The following SLC35F1 variants were observed in gnomAD, a reference collection of about 807,000 sequenced individuals.
The protein encoded by SLC35F1 is chromosome 6 open reading frame 169.
In SLC35F1, 14 loss-of-function variants were observed where a neutral mutation model predicts 48.7. That is an observed-to-expected ratio of 0.29 (90% confidence interval 0.19 to 0.45). The LOEUF is 0.45. SLC35F1 is among the 20% of genes least tolerant of loss of function. The probability of loss-of-function intolerance (pLI) is 1.00; values close to 1 mark genes in which losing one functional copy is unlikely to be tolerated. For missense variants in SLC35F1, 404 were observed against 500.0 expected (o/e 0.81, Z 1.83); for synonymous variants, 190 against 202.2 (o/e 0.94, Z 0.51).
rs1306313559 is a variant in SLC35F1, at chr6:117,951,873, G to T, written c.173+43974G>T. 2.0e-5 allele frequency among the ~76,000 whole-genome samples: 3 copies of T among 152,164 alleles called. No individual in the cohort carries two copies. The East Asian group carries it at 5.8e-4, about 29-fold the overall frequency. On this transcript the variant is annotated intron_variant, in intron 1 of 7. Transcript: ENST00000360388. ...AATGACAAGGGATTCAGTCCTGATT[G>T]CCAATGGACTGCGCCTAAAGCTATC...
rs773068272 is a variant in SLC35F1 at position 117,953,372 on chromosome 6, A to AT, written c.173+45473_173+45474insT. Among the ~76,000 whole-genome samples, 381 of 152,258 alleles carry AT rather than the reference A, an allele frequency of 2.5e-3. 1 individual carries two copies. Among genetic ancestry groups the AT allele is most frequent in the Non-Finnish European group, 2.9e-3 (200 of 68,006 alleles). ...TTTATTTTTTATTGAATTTTTTTCT[A>AT]AATATGGCTTTGTACACATATATAT... is the stretch of plus-strand genomic sequence containing the variant. On this transcript the variant is annotated intron_variant, in intron 1 of 7. Transcript: ENST00000360388.
chr6:118,275,632 AG>A lies in SLC35F1; in HGVS notation c.794+18del. On this transcript the variant is annotated intron_variant, in intron 5 of 7. Coordinates refer to ENST00000360388, the MANE Select transcript of SLC35F1 (RefSeq NM_001029858.4). The stretch of plus-strand genomic sequence containing the variant: ...AATTCAATTGTGAGTAAAAATAACA[AG>A]AAATATAGATAGTAGAGGGACTGTC... 1.2e-6 allele frequency: 2 copies of A among 1,612,100 alleles called. No homozygotes were observed. The highest frequency in any genetic ancestry group is 1.7e-6 in the Non-Finnish European group (2 of 1,178,584).
chr6:117,965,692 G>C (rs1394610069), intron 1 of SLC35F1, among the ~76,000 whole-genome samples: 2 of 152,156 alleles, frequency 1.3e-5, no homozygotes, highest in Non-Finnish European at 2.9e-5. Context: ...CCACAGACTG[G>C]GTGGCTTAAA....
intron 7 of SLC35F1, among the ~76,000 whole-genome samples, chr6:118,307,070 G>A (rs1368193499): frequency 6.6e-6 from 1 of 152,208 alleles, no homozygotes; most frequent in Non-Finnish European, 1.5e-5. Context: ...CAGAGGCCAA[G>A]GGCCATGGTT....
At chr6:118,173,144 T>A (rs1235966000) in intron 2 of SLC35F1, among the ~76,000 whole-genome samples, 2 of 152,144 alleles carry the variant, frequency 1.3e-5, no homozygotes, top group African/African-American at 4.8e-5. Flanking sequence ...CTAAAAATTA[T>A]GTAGTGACTT....
chr6:118,041,634 G>A (rs1296279641), intron 1 of SLC35F1, among the ~76,000 whole-genome samples: 1 of 152,132 alleles, frequency 6.6e-6, no homozygotes, highest in South Asian at 2.1e-4. Context: ...CAAGAGGGTG[G>A]GTTGAAGGTG....
chr6:118,299,022 A>AT (rs1187525229), intron 7 of SLC35F1, among the ~76,000 whole-genome samples: 1 of 151,928 alleles, frequency 6.6e-6, no homozygotes, highest in East Asian at 1.9e-4. Flanking sequence ...AAACATATAT[A>AT]TTTTTTAAAT....
intron 1 of SLC35F1, among the ~76,000 whole-genome samples, chr6:118,039,382 G>C (rs1189309166): frequency 6.6e-6 from 1 of 151,882 alleles, no homozygotes; most frequent in African/African-American, 2.4e-5. Context: ...GAATCTATAA[G>C]TCTGTGTCTT....
chr6:118,237,618 G>A (rs1156372060), intron 3 of SLC35F1, among the ~76,000 whole-genome samples: 1 of 152,072 alleles, frequency 6.6e-6, no homozygotes, highest in Non-Finnish European at 1.5e-5. Flanking sequence ...TTGAACTCCT[G>A]GGCTCAAGAG....
intron 1 of SLC35F1, among the ~76,000 whole-genome samples, chr6:117,925,413 A>G (rs1776015364): frequency 6.6e-6 from 1 of 152,170 alleles, no homozygotes; most frequent in Non-Finnish European, 1.5e-5. Context: ...GATGTTACTA[A>G]TGCTAAGGAC....
chr6:118,303,797 C>T (rs1270868748), intron 7 of SLC35F1, among the ~76,000 whole-genome samples: 2 of 152,130 alleles, frequency 1.3e-5, no homozygotes, highest in Non-Finnish European at 2.9e-5. Flanking sequence ...AAAAGGACAC[C>T]AATCCTATTG....
At chr6:117,933,790 C>T (rs1170705119) in intron 1 of SLC35F1, among the ~76,000 whole-genome samples, 2 of 152,166 alleles carry the variant, frequency 1.3e-5, no homozygotes, top group African/African-American at 4.8e-5. Context: ...TGGTGGGCTC[C>T]ATGACTTTAT....
At chr6:118,185,445 A>C (rs1774642141) in intron 2 of SLC35F1, among the ~76,000 whole-genome samples, 1 of 152,180 alleles carries the variant, frequency 6.6e-6, no homozygotes, top group Non-Finnish European at 1.5e-5. Context: ...GAATAGAGAA[A>C]AATAAGGGAA....
intron 6 of SLC35F1, among the ~76,000 whole-genome samples, chr6:118,278,965 C>T (rs1775949920): frequency 6.6e-6 from 1 of 152,118 alleles, no homozygotes; most frequent in Non-Finnish European, 1.5e-5. Context: ...ATTCTGAGCT[C>T]TCATATTGCC....
At chr6:118,203,438 C>A (rs1774895420) in intron 2 of SLC35F1, among the ~76,000 whole-genome samples, 1 of 152,216 alleles carries the variant, frequency 6.6e-6, no homozygotes. Context: ...CACACAACCT[C>A]TTCTGTAAGT....
chr6:118,050,548 G>A (rs1772374022), intron 1 of SLC35F1, among the ~76,000 whole-genome samples: 1 of 151,954 alleles, frequency 6.6e-6, no homozygotes, highest in South Asian at 2.1e-4. Flanking sequence ...AGCTAAGGAA[G>A]AACAGAAACT....
chr6:118,259,285 A>G (rs1260493554), intron 3 of SLC35F1, among the ~76,000 whole-genome samples: 1 of 152,010 alleles, frequency 6.6e-6, no homozygotes, highest in Non-Finnish European at 1.5e-5. Context: ...GAAATTGAAC[A>G]AGTAAATAGC....
intron 2 of SLC35F1, among the ~76,000 whole-genome samples, chr6:118,230,843 G>T (rs1362056520): frequency 6.6e-6 from 1 of 152,010 alleles, no homozygotes; most frequent in Non-Finnish European, 1.5e-5. Context: ...AATTAGCTGG[G>T]CTTGCTACTC....
chr6:118,200,158 A>G (rs1051815213), intron 2 of SLC35F1, among the ~76,000 whole-genome samples: 1 of 136,480 alleles, frequency 7.3e-6, no homozygotes, highest in Non-Finnish European at 1.6e-5. Flanking sequence ...ATACATACAT[A>G]TATACATACA....
Sources: allele counts gnomAD v4.1 joint callset (sites outside exome capture counted in the v4.1 genomes callset), GRCh38; gene constraint gnomAD v4.1.1; transcripts MANE v1.5; gene names NCBI Gene and HGNC (gene_info 2026-07-23, HGNC 2026-07-21).